ASIC2: variants seen among roughly 807,000 people sequenced by gnomAD.
ASIC2 encodes acid-sensing ion channel 2.
In ASIC2, 25 loss-of-function variants were observed where a neutral mutation model predicts 57.3. That is an observed-to-expected ratio of 0.44 (90% CI 0.32 to 0.61). The LOEUF (loss-of-function observed/expected upper bound fraction) is 0.61. ASIC2 is among the 20% of genes least tolerant of loss of function. The probability of loss-of-function intolerance (pLI) is 0.06; values close to 1 mark genes in which losing one functional copy is unlikely to be tolerated. For synonymous variants in ASIC2, 319 were observed against 307.5 expected (o/e 1.04, Z -0.39); for missense variants, 641 against 738.1 (o/e 0.87, Z 1.52).
intron 1 of ASIC2, among the ~76,000 whole-genome samples, chr17:33,472,020 CTTT>C (rs58443184): frequency 5.7e-4 from 79 of 139,452 alleles, no homozygotes; most frequent in South Asian, 9.3e-4. Context: ...AGGGACTTTT[CTTT>C]TTTTTTTTTT....
intron 1 of ASIC2, among the ~76,000 whole-genome samples, chr17:33,498,287 A>G (rs1913999323): frequency 6.6e-6 from 1 of 152,252 alleles, no homozygotes; most frequent in African/African-American, 2.4e-5. Context: ...ATTCCGAGGC[A>G]ACTCAAGCAG....
intron 1 of ASIC2, among the ~76,000 whole-genome samples, chr17:33,335,899 T>C (rs1907495245): frequency 6.6e-6 from 1 of 152,190 alleles, no homozygotes. Flanking sequence ...ACACAAGTGC[T>C]AATAGACTCA....
chr17:33,091,289 T>C (rs1041429917), intron 2 of ASIC2, among the ~76,000 whole-genome samples: 1 of 152,100 alleles, frequency 6.6e-6, no homozygotes, highest in Non-Finnish European at 1.5e-5. Context: ...GGAGAGAGTG[T>C]GGAGCCTGAA....
At chr17:33,635,298 G>C (rs1482247342) in intron 1 of ASIC2, among the ~76,000 whole-genome samples, 1 of 152,204 alleles carries the variant, frequency 6.6e-6, no homozygotes, top group Admixed American at 6.5e-5. Context: ...TATGCTAATT[G>C]CTGTGAACAT....
chr17:33,628,844 G>A (rs910192998), intron 1 of ASIC2, among the ~76,000 whole-genome samples: 6 of 152,190 alleles, frequency 3.9e-5, no homozygotes, highest in Admixed American at 3.9e-4. Context: ...TCACCTTCTA[G>A]CAAGAGACCA....
intron 1 of ASIC2, among the ~76,000 whole-genome samples, chr17:33,303,584 C>G (rs1363342270): frequency 1.3e-5 from 2 of 152,162 alleles, no homozygotes; most frequent in African/African-American, 4.8e-5. Context: ...TCAACCTAGC[C>G]CCCTTTGTCT....
At chr17:34,151,429 G>A (rs1159712330) in intron 1 of ASIC2, among the ~76,000 whole-genome samples, 1 of 152,182 alleles carries the variant, frequency 6.6e-6, no homozygotes, top group Non-Finnish European at 1.5e-5. Flanking sequence ...AACCATGCAT[G>A]AAGCACTATG....
intron 1 of ASIC2, among the ~76,000 whole-genome samples, chr17:34,049,933 T>C (rs1908491326): frequency 6.6e-6 from 1 of 152,204 alleles, no homozygotes; most frequent in Admixed American, 6.5e-5. Context: ...ACTCCTCAAC[T>C]GTGAGAGCAG....
At chr17:33,995,257 G>A (rs1377340406) in intron 1 of ASIC2, among the ~76,000 whole-genome samples, 3 of 152,148 alleles carry the variant, frequency 2.0e-5, no homozygotes, top group African/African-American at 7.2e-5. Context: ...ACAATTGGGT[G>A]GATAAAATTG....
At chr17:33,187,495 G>A (rs772221944) in intron 1 of ASIC2, among the ~76,000 whole-genome samples, 31 of 152,114 alleles carry the variant, frequency 2.0e-4, no homozygotes, top group African/African-American at 3.9e-4. Flanking sequence ...GATTGTAATG[G>A]TTCCTATTTT....
At chr17:33,427,257 C>T (rs1911250673) in intron 1 of ASIC2, among the ~76,000 whole-genome samples, 1 of 152,158 alleles carries the variant, frequency 6.6e-6, no homozygotes, top group South Asian at 2.1e-4. Flanking sequence ...GGAAAAACAA[C>T]AACCAAGCTT....
chr17:33,506,856 C>T (rs547815951), intron 1 of ASIC2, among the ~76,000 whole-genome samples: 53 of 152,300 alleles, frequency 3.5e-4, no homozygotes, highest in African/African-American at 1.1e-3. Flanking sequence ...AAATAGCATG[C>T]ACTTGGTTAT....
chr17:33,782,691 T>C (rs1406728229), intron 1 of ASIC2, among the ~76,000 whole-genome samples: 1 of 152,188 alleles, frequency 6.6e-6, no homozygotes, highest in Non-Finnish European at 1.5e-5. Context: ...ATCATACCAC[T>C]GCACTCAGCC....
At chr17:33,563,401 C>T (rs577515629) in intron 1 of ASIC2, among the ~76,000 whole-genome samples, 9 of 152,320 alleles carry the variant, frequency 5.9e-5, no homozygotes, top group East Asian at 5.8e-4. Context: ...ATTAAATCCA[C>T]GCTTCCTCAT....
chr17:33,546,129 A>ATATACACATATATATGTG (rs1567645866), intron 1 of ASIC2, among the ~76,000 whole-genome samples: 5 of 150,338 alleles, frequency 3.3e-5, no homozygotes, highest in African/African-American at 1.2e-4. Flanking sequence ...ATATGTAAAT[A>ATATACACATATATATGTG]TATATACACA....
At chr17:33,222,261 G>T (rs1907715649) in intron 1 of ASIC2, among the ~76,000 whole-genome samples, 2 of 152,158 alleles carry the variant, frequency 1.3e-5, no homozygotes, top group African/African-American at 4.8e-5. Context: ...GAAAAATGAA[G>T]TACTGATATA....
intron 1 of ASIC2, among the ~76,000 whole-genome samples, chr17:33,414,346 G>A (rs976904099): frequency 1.3e-4 from 20 of 152,324 alleles, no homozygotes; most frequent in African/African-American, 4.6e-4. Context: ...GATGGTCTGG[G>A]TGTGGTGGAA....
chr17:33,758,364 G>A (rs1371210092), intron 1 of ASIC2, among the ~76,000 whole-genome samples: 2 of 152,114 alleles, frequency 1.3e-5, no homozygotes, highest in South Asian at 2.1e-4. Context: ...ATTATTTATT[G>A]TATACAGTCC....
At chr17:33,405,673 G>A (rs1413591681) in intron 1 of ASIC2, among the ~76,000 whole-genome samples, 2 of 151,696 alleles carry the variant, frequency 1.3e-5, no homozygotes, top group Admixed American at 6.6e-5. Flanking sequence ...TAGTAGAGAC[G>A]GGGTTTCAAC....
Sources: gnomAD v4.1 joint callset for allele counts (sites outside exome capture counted in the v4.1 genomes callset) on GRCh38, gnomAD v4.1.1 for gene constraint, MANE v1.5 for transcripts, NCBI Gene and HGNC (gene_info 2026-07-23, HGNC 2026-07-21) for gene names.